Variants in ELMO1 observed in about 807,000 individuals in gnomAD.
The protein encoded by ELMO1 is engulfment and cell motility 1.
Under a neutral mutation model 98.9 loss-of-function variants are expected in ELMO1, and 26 were observed. The ratio of observed to expected loss-of-function variants is 0.26; its 90% confidence interval spans 0.19 to 0.36. The LOEUF is 0.36. ELMO1 is among the 10% of genes least tolerant of loss of function. ELMO1 has a pLI of 1.00. For missense variants in ELMO1, 627 were observed against 935.2 expected, an observed-to-expected ratio of 0.67 and a Z score of 4.30; for synonymous variants, 346 against 346.0, an observed-to-expected ratio of 1.00 and a Z score of 0.00.
chr7:37,013,357 A>C lies in ELMO1; in HGVS notation c.1379T>G (p.Ile460Ser). The change falls in exon 16 of 22, where the codon ATC becomes AGC. Residue 460 changes from isoleucine (I) to serine (S), a missense_variant. Around this residue, in one of 3 missense-constraint regions of ELMO1, gnomAD observed 492 missense variants for 715.6 expected, o/e 0.69. Transcript: ENST00000310758. ...CTTCCATGTCTTGTTCAGGAGCTGG[A>C]TACAGATGCAGAAAAACTCCTCAAA... is the stretch of plus-strand genomic sequence containing the variant. ...RSFEEFFCIC[I>S]QLLNKTWKEM... 6.2e-7 allele frequency: 1 copy of C among 1,614,114 alleles called. No homozygotes were observed. The highest frequency in any genetic ancestry group is 8.5e-7 in the Non-Finnish European group (1 of 1,180,004).
chr7:37,420,194 C>A (rs1804411339), intron 1 of ELMO1, among the ~76,000 whole-genome samples: 1 of 114,434 alleles, frequency 8.7e-6, no homozygotes, highest in Admixed American at 1.0e-4. Context: ...CTGTTCACTC[C>A]AAGGGCAATG....
At chr7:37,163,336 T>TC (rs1789364135) in intron 13 of ELMO1, among the ~76,000 whole-genome samples, 1 of 6,298 alleles carries the variant, frequency 1.6e-4, no homozygotes, top group South Asian at 0.5. Flanking sequence ...AAGCCAGTGT[T>TC]CTTTTTTTTT....
chr7:37,263,183 C>T (rs953054039), intron 5 of ELMO1, among the ~76,000 whole-genome samples: 2 of 151,784 alleles, frequency 1.3e-5, no homozygotes, highest in Non-Finnish European at 2.9e-5. Context: ...AGTTTTTATT[C>T]TGAAAAGATT....
chr7:37,288,701 G>A (rs756501446), intron 4 of ELMO1, among the ~76,000 whole-genome samples: 3 of 152,222 alleles, frequency 2.0e-5, no homozygotes, highest in Non-Finnish European at 4.4e-5. Context: ...TCTTGATGGC[G>A]GAATGACTGC....
intron 13 of ELMO1, among the ~76,000 whole-genome samples, chr7:37,199,595 G>C (rs1792167794): frequency 6.6e-6 from 1 of 152,212 alleles, no homozygotes; most frequent in African/African-American, 2.4e-5. Context: ...CCATGCCGGA[G>C]TAGGAAGAAG....
intron 16 of ELMO1, among the ~76,000 whole-genome samples, chr7:36,992,833 C>T (rs1263759108): frequency 6.6e-6 from 1 of 152,094 alleles, no homozygotes; most frequent in Non-Finnish European, 1.5e-5. Context: ...CACGGCTCAC[C>T]ATGTTTTTTC....
At chr7:37,266,113 G>A (rs894643457) in intron 5 of ELMO1, among the ~76,000 whole-genome samples, 2 of 152,104 alleles carry the variant, frequency 1.3e-5, no homozygotes, top group African/African-American at 2.4e-5. Context: ...ATCCTGTGTC[G>A]CCTCTGCCTG....
intron 13 of ELMO1, among the ~76,000 whole-genome samples, chr7:37,161,941 G>A (rs1209119294): frequency 3.3e-5 from 1 of 30,206 alleles, no homozygotes; most frequent in Admixed American, 3.8e-4. Context: ...TATATGTTAA[G>A]CGTGATGTAA....
chr7:37,270,260 A>C (rs932944848), intron 5 of ELMO1: 1 of 152,210 alleles, frequency 6.6e-6, no homozygotes, highest in Admixed American at 6.5e-5. Flanking sequence ...TATAATCTCC[A>C]TTAAGTAGCA....
intron 2 of ELMO1, among the ~76,000 whole-genome samples, chr7:37,328,337 C>A (rs2723982): frequency 0.48 from 67,820 of 140,922 alleles, 17,320 homozygotes; most frequent in Non-Finnish European, 0.58. Context: ...GAGCCAGGAT[C>A]ATGCCACTGC....
chr7:37,309,683 G>C (rs1383868884), intron 4 of ELMO1, among the ~76,000 whole-genome samples: 1 of 152,192 alleles, frequency 6.6e-6, no homozygotes, highest in Non-Finnish European at 1.5e-5. Context: ...TTGATTGAGG[G>C]TAACAAAGAC....
Position 36,870,943 on chromosome 7 carries a change from G to T in ELMO1, c.1823-468C>A, listed in dbSNP as rs1803453705. Among the ~76,000 whole-genome samples the T allele has an allele frequency of 6.6e-6, 1 of 152,204 alleles. No homozygotes were observed. The highest frequency in any genetic ancestry group is 1.5e-5 in the Non-Finnish European group (1 of 68,034). On this transcript the variant is annotated intron_variant, in intron 19 of 21. Coordinates refer to ENST00000310758, the MANE Select transcript of ELMO1 (RefSeq NM_014800.11). This position sits in a 1 kb window ranked among gnomAD's most constrained non-coding sequence, Gnocchi z 4.4. Reference sequence around the variant, plus strand: ...CTATTTAGTTTCTGAGTTTTTGGATGAGAGAAAGCAGCCCTATCTCAAAAA... The same window carrying T: ...CTATTTAGTTTCTGAGTTTTTGGATTAGAGAAAGCAGCCCTATCTCAAAAA...
At chr7:36,907,244 C>T (rs1013460567) in intron 16 of ELMO1, among the ~76,000 whole-genome samples, 1 of 152,140 alleles carries the variant, frequency 6.6e-6, no homozygotes, top group Admixed American at 6.5e-5. Flanking sequence ...GAGAGAGGAG[C>T]AGTGATAGAT....
In ELMO1 at chr7:37,241,118, C is replaced by T. The variant is rs58752171; in HGVS notation, c.449+3238G>A. 9.6e-3 allele frequency among the ~76,000 whole-genome samples: 1,465 copies of T among 151,966 alleles called. 27 individuals carry two copies. The highest frequency in any genetic ancestry group is 0.033 in the African/African-American group (1,355 of 41,452). The stretch of plus-strand genomic sequence containing the variant: ...TCCTTAGTAGTCAGTGTTTGCTTCA[C>T]GTATTTTAAAACTTTATTATACACA... On this transcript the variant is annotated intron_variant, in intron 7 of 21. Transcript: ENST00000310758.
At chr7:37,091,978 G>C (rs887700033) in intron 15 of ELMO1, among the ~76,000 whole-genome samples, 5 of 152,092 alleles carry the variant, frequency 3.3e-5, no homozygotes, top group African/African-American at 1.2e-4. Context: ...GGAATTATGG[G>C]AGCTACAATT....
chr7:37,163,873 A>G (rs934424029), intron 13 of ELMO1, among the ~76,000 whole-genome samples: 9 of 152,242 alleles, frequency 5.9e-5, no homozygotes, highest in African/African-American at 2.2e-4. Flanking sequence ...TGGCTGGGTT[A>G]AATGGTATTT....
At chr7:36,878,175 C>T (rs973644554) in intron 18 of ELMO1, 58 bp from the exon 19 acceptor site, 2 of 1,314,570 alleles carry the variant, frequency 1.5e-6, no homozygotes, top group Non-Finnish European at 1.1e-6. Flanking sequence ...AAAATACTAG[C>T]CTGGTTATTT....
chr7:37,393,288 C>A (rs953730110), intron 1 of ELMO1, among the ~76,000 whole-genome samples: 8 of 152,204 alleles, frequency 5.3e-5, no homozygotes, highest in African/African-American at 1.9e-4. Flanking sequence ...AGATTGCCAA[C>A]AAACAATGGC....
chr7:37,291,419 AAAC>A (rs1332917653), intron 4 of ELMO1, among the ~76,000 whole-genome samples: 7 of 152,244 alleles, frequency 4.6e-5, no homozygotes, highest in African/African-American at 9.6e-5. Context: ...ACAATAGAAA[AAAC>A]AACTATGGAC....
Sources: allele counts gnomAD v4.1 joint callset (sites outside exome capture counted in the v4.1 genomes callset), GRCh38; gene constraint gnomAD v4.1.1; regional missense constraint gnomAD v4.1.1; non-coding constraint Gnocchi (gnomAD v3.1); transcripts MANE v1.5; gene names NCBI Gene and HGNC (gene_info 2026-07-23, HGNC 2026-07-21).